The following SLC44A5 variants were observed in gnomAD, a reference collection of about 807,000 sequenced individuals.
SLC44A5 encodes the protein choline transporter-like protein 5.
A neutral mutation model predicts 101.8 loss-of-function variants in SLC44A5; 57 were observed. The ratio of observed to expected loss-of-function variants is 0.56; its 90% CI spans 0.45 to 0.70. SLC44A5 has a LOEUF of 0.70. Among genes scored for constraint, SLC44A5 ranks in the 30% least tolerant of loss-of-function variants. The pLI is 0.00. For missense variants in SLC44A5, 737 were observed against 853.1 expected, an observed-to-expected ratio of 0.86 and a Z score of 1.70; for synonymous variants, 281 against 290.9, an observed-to-expected ratio of 0.97 and a Z score of 0.35.
chr1:75,410,610 G>C (rs1663212353), intron 2 of SLC44A5, among the ~76,000 whole-genome samples: 2 of 152,068 alleles, frequency 1.3e-5, no homozygotes, highest in African/African-American at 2.4e-5. Context: ...TGCCATAATG[G>C]TGTGTGGCAG....
chr1:75,684,456 C>T, the SLC44A5 span, among the ~76,000 whole-genome samples: 33,777 of 151,972 alleles, frequency 0.22, 5,096 homozygotes, highest in East Asian at 0.67. Flanking sequence ...ACCTAGGAGC[C>T]CATGAAATCA....
intron 3 of SLC44A5, among the ~76,000 whole-genome samples, chr1:75,341,344 T>A (rs1657862324): frequency 6.6e-6 from 1 of 151,940 alleles, no homozygotes; most frequent in Non-Finnish European, 1.5e-5. Flanking sequence ...TAGCTGGGCG[T>A]GATGGTGCAC....
At chr1:75,695,319 G>T in the SLC44A5 span, among the ~76,000 whole-genome samples, 2 of 152,226 alleles carry the variant, frequency 1.3e-5, no homozygotes, top group South Asian at 4.1e-4. Flanking sequence ...TACAAAATCA[G>T]GTTTCTAAAT....
intron 2 of SLC44A5, among the ~76,000 whole-genome samples, chr1:75,459,552 A>T (rs537042807): frequency 6.6e-6 from 1 of 152,270 alleles, no homozygotes; most frequent in Non-Finnish European, 1.5e-5. Context: ...TATGGTAATT[A>T]TTATCACCCT....
chr1:75,591,480 C>G (rs1460101672), intron 1 of SLC44A5, among the ~76,000 whole-genome samples: 7 of 152,084 alleles, frequency 4.6e-5, no homozygotes, highest in Non-Finnish European at 7.4e-5. Context: ...ATAATTTTTG[C>G]ATCTATGTTC....
intron 23 of SLC44A5, among the ~76,000 whole-genome samples, chr1:75,209,276 C>T (rs1041202591): frequency 7.9e-5 from 12 of 152,162 alleles, no homozygotes; most frequent in Non-Finnish European, 1.5e-4. Context: ...AGACTGGAAG[C>T]TAGTAGGTTC....
intron 6 of SLC44A5, among the ~76,000 whole-genome samples, chr1:75,253,359 T>C (rs574606983): frequency 6.6e-6 from 1 of 151,754 alleles, no homozygotes; most frequent in Non-Finnish European, 1.5e-5. Context: ...ACAGAAAGTG[T>C]CTGAAAACTA....
At chr1:75,697,799 C>T in the SLC44A5 span, among the ~76,000 whole-genome samples, 1 of 152,098 alleles carries the variant, frequency 6.6e-6, no homozygotes, top group Non-Finnish European at 1.5e-5. Flanking sequence ...GTGCATGCAC[C>T]GTGCGTGAGC....
chr1:75,450,166 G>A (rs1219173555), intron 2 of SLC44A5, among the ~76,000 whole-genome samples: 3 of 152,088 alleles, frequency 2.0e-5, no homozygotes, highest in South Asian at 4.1e-4. Flanking sequence ...TGATAAAAGC[G>A]AGTGAAGCTC....
At chr1:75,574,115 A>G (rs1489507363) in intron 1 of SLC44A5, among the ~76,000 whole-genome samples, 2 of 152,334 alleles carry the variant, frequency 1.3e-5, no homozygotes, top group East Asian at 3.9e-4. Context: ...CAACACCTTG[A>G]ATTGCACCTG....
In SLC44A5 at chr1:75,218,688, C is replaced by G; in HGVS notation, c.1331G>C (p.Gly444Ala). ...PGALCNFAFY[G>A]GKSLYHQYIP... The stretch of plus-strand genomic sequence containing the variant: ...GTACTGATGGTACAAGCTCTTTCCA[C>G]CATAGAAAGCAAAGTTACACAGAGC... The change falls in exon 17 of 24, where the codon GGT becomes GCT. Residue 444 changes from glycine (G) to alanine (A), a missense_variant. Transcript: ENST00000370859. 6.2e-7 allele frequency: 1 copy of G among 1,613,504 alleles called. No individual in the cohort carries two copies. The highest frequency in any genetic ancestry group is 1.1e-5 in the South Asian group (1 of 91,064).
chr1:75,448,351 G>C (rs1458451821), intron 2 of SLC44A5, among the ~76,000 whole-genome samples: 1 of 152,102 alleles, frequency 6.6e-6, no homozygotes, highest in Non-Finnish European at 1.5e-5. Context: ...TAGAGTCCAG[G>C]GCAAGCAACT....
At chr1:75,580,847 A>G (rs1045350643) in intron 1 of SLC44A5, among the ~76,000 whole-genome samples, 17 of 150,986 alleles carry the variant, frequency 1.1e-4, no homozygotes, top group African/African-American at 2.4e-5. Context: ...CAAAAAAAAA[A>G]ACAAAGAAAA....
the SLC44A5 span, among the ~76,000 whole-genome samples, chr1:75,703,799 CT>C: frequency 0.22 from 33,707 of 151,936 alleles, 5,095 homozygotes; most frequent in East Asian, 0.67. Context: ...TCAAAGGAAG[CT>C]TTTTGCATCT....
upstream of SLC44A5, among the ~76,000 whole-genome samples, chr1:75,613,492 C>T (rs763570928): frequency 8.5e-5 from 13 of 152,176 alleles, no homozygotes; most frequent in African/African-American, 9.7e-5. Context: ...CATCCTGCTT[C>T]GCTAAAGTGA....
chr1:75,722,416 A>G, the SLC44A5 span, among the ~76,000 whole-genome samples: 4 of 152,246 alleles, frequency 2.6e-5, no homozygotes, highest in African/African-American at 9.6e-5. Context: ...ACTGGAGGCT[A>G]TATGAGTAAG....
chr1:75,631,156 T>C, the SLC44A5 span, among the ~76,000 whole-genome samples: 1 of 152,212 alleles, frequency 6.6e-6, no homozygotes, highest in Non-Finnish European at 1.5e-5. Flanking sequence ...CCTCAACTTC[T>C]TATGTAGACT....
chr1:75,639,096 T>G, the SLC44A5 span, among the ~76,000 whole-genome samples: 6 of 152,028 alleles, frequency 3.9e-5, no homozygotes, highest in African/African-American at 9.7e-5. Context: ...GATATGCAAT[T>G]TCAGTTAGAT....
chr1:75,229,085 CCTT>C lies in SLC44A5; in HGVS notation c.854-1231_854-1229del, dbSNP rs1462781076. Among the ~76,000 whole-genome samples the C allele has an allele frequency of 2.0e-5, 3 of 151,860 alleles. No homozygotes were observed. The East Asian group carries it at 5.9e-4, about 30-fold the overall frequency. ...TCATATATTTCTGTGGAATCATTCT[CCTT>C]CTTCTGTCTCTCATAGCTGCATTCA... On this transcript the variant is annotated intron_variant, in intron 12 of 23. Coordinates refer to ENST00000370859, the MANE Select transcript of SLC44A5 (RefSeq NM_001130058.2).
Sources: gnomAD v4.1 joint callset for allele counts (sites outside exome capture counted in the v4.1 genomes callset) on GRCh38, gnomAD v4.1.1 for gene constraint, MANE v1.5 for transcripts, NCBI Gene and HGNC (gene_info 2026-07-23, HGNC 2026-07-21) for gene names.